Variants in ASTN2 observed in about 807,000 individuals in gnomAD.
The protein encoded by ASTN2 is astrotactin-2.
ASTN2 carries 54 observed loss-of-function variants against 139.8 expected under a neutral mutation model. That is an observed-to-expected ratio of 0.39 (90% CI 0.31 to 0.48). The LOEUF (loss-of-function observed/expected upper bound fraction) is 0.48. Ranked by LOEUF, ASTN2 falls within the 20% of genes least tolerant of loss-of-function variation. ASTN2 has a pLI of 0.95. For missense variants in ASTN2, 1,565 were observed against 1,725.1 expected (o/e 0.91, Z 1.64); for synonymous variants, 756 against 719.5 (o/e 1.05, Z -0.81).
At chr9:116,779,416 A>G (rs1830161732) in intron 13 of ASTN2, among the ~76,000 whole-genome samples, 1 of 152,028 alleles carries the variant, frequency 6.6e-6, no homozygotes. Flanking sequence ...CACTGAACCT[A>G]CCTGTGCTTT....
chr9:117,212,510 C>T (rs1417274388), intron 3 of ASTN2, among the ~76,000 whole-genome samples: 1 of 151,880 alleles, frequency 6.6e-6, no homozygotes, highest in African/African-American at 2.4e-5. Flanking sequence ...AAATATTTAT[C>T]CAATAGGGAA....
At chr9:116,898,664 T>A (rs1163443722) in intron 10 of ASTN2, among the ~76,000 whole-genome samples, 1 of 151,866 alleles carries the variant, frequency 6.6e-6, no homozygotes, top group Non-Finnish European at 1.5e-5. Flanking sequence ...TAAAAATTAT[T>A]CCTTTTATGT....
intron 2 of ASTN2, among the ~76,000 whole-genome samples, chr9:117,241,731 C>A (rs1833213068): frequency 6.6e-6 from 1 of 152,100 alleles, no homozygotes; most frequent in Admixed American, 6.6e-5. Context: ...GGTCCACAGC[C>A]CTGGGTTTGG....
At chr9:117,007,368 A>G (rs1010060543) in intron 7 of ASTN2, among the ~76,000 whole-genome samples, 1 of 152,206 alleles carries the variant, frequency 6.6e-6, no homozygotes, top group African/African-American at 2.4e-5. Context: ...TGATGAAGAT[A>G]TTCTATATCT....
intron 5 of ASTN2, among the ~76,000 whole-genome samples, chr9:117,048,413 A>G (rs1014270673): frequency 6.6e-6 from 1 of 152,214 alleles, no homozygotes; most frequent in Non-Finnish European, 1.5e-5. Flanking sequence ...TTGGAGCCAA[A>G]TGATTATTGA....
At position 117,382,828 on chromosome 9, in the gene ASTN2, A is replaced by G. The variant is rs79879010; in HGVS notation, c.442+31669T>C. ...TACGAGTTCAAAGGAGGAAAACATA[A>G]TATCTAGGCAAAGGACTAAAAATGG... On this transcript the variant is annotated intron_variant, in intron 1 of 22. Coordinates refer to ENST00000313400, the MANE Select transcript of ASTN2 (RefSeq NM_001365068.1). Among the ~76,000 whole-genome samples the G allele has an allele frequency of 3.1e-3, 474 of 152,340 alleles. 2 individuals are homozygous for G. Among genetic ancestry groups the G allele is most frequent in the Non-Finnish European group, 5.2e-3 (351 of 68,042 alleles).
At chr9:117,156,972 C>G (rs958244932) in intron 3 of ASTN2, among the ~76,000 whole-genome samples, 1 of 151,992 alleles carries the variant, frequency 6.6e-6, no homozygotes, top group African/African-American at 2.4e-5. Flanking sequence ...TTTATTCACT[C>G]CTCCAGCACA....
At chr9:117,070,299 G>T (rs10817993) in intron 5 of ASTN2, among the ~76,000 whole-genome samples, 30,302 of 106,390 alleles carry the variant, frequency 0.28, 4,617 homozygotes, top group African/African-American at 0.39. Context: ...GAAATTCTGG[G>T]TTGAAAATTC....
At chr9:116,987,780 C>T (rs986505254) in intron 7 of ASTN2, among the ~76,000 whole-genome samples, 1 of 152,180 alleles carries the variant, frequency 6.6e-6, no homozygotes, top group Non-Finnish European at 1.5e-5. Flanking sequence ...TAACAATACG[C>T]TGGTATCACT....
In ASTN2 at chr9:117,008,121, G is replaced by C; in HGVS notation, c.1562C>G (p.Ala521Gly). Residue 521 changes from alanine to glycine, a missense_variant, in exon 7 of 23, where the codon GCC (alanine) becomes GGC (glycine). By Grantham distance (60) the Ala-to-Gly change is moderately conservative. Coordinates refer to ENST00000313400, the MANE Select transcript of ASTN2 (RefSeq NM_001365068.1). The stretch of plus-strand genomic sequence containing the variant: ...TTCTGGGTCGCAGAGCTGCTCACAG[G>C]CATCTGTCGTCCTTTGTCCACAGAG... The part of the protein sequence containing the change: ...RDLCGQRTTD[A>G]CEQLCDPETG... The C allele has an allele frequency of 6.2e-7, 1 of 1,605,566 alleles. No individual in the cohort carries two copies. Among genetic ancestry groups the C allele is most frequent in the Non-Finnish European group, 8.5e-7 (1 of 1,175,756 alleles).
intron 20 of ASTN2, among the ~76,000 whole-genome samples, chr9:116,464,543 G>C (rs371235795): frequency 2.0e-5 from 3 of 152,160 alleles, no homozygotes; most frequent in Non-Finnish European, 4.4e-5. Flanking sequence ...TTCCTTGAGA[G>C]CAGTTATGTG....
intron 19 of ASTN2, among the ~76,000 whole-genome samples, chr9:116,590,500 C>A (rs766009103): frequency 2.0e-5 from 3 of 152,182 alleles, no homozygotes; most frequent in Non-Finnish European, 4.4e-5. Flanking sequence ...CAGCAGGCAC[C>A]CCTCAGTATG....
At chr9:117,214,837 C>T (rs1477183935) in intron 2 of ASTN2, 95 bp from the exon 3 acceptor site, 2 of 1,294,784 alleles carry the variant, frequency 1.5e-6, no homozygotes, top group African/African-American at 1.5e-5. Flanking sequence ...TGCCAGGATC[C>T]CTGGGTTTGG....
intron 13 of ASTN2, among the ~76,000 whole-genome samples, chr9:116,743,843 AATT>A (rs1829162188): frequency 6.6e-6 from 1 of 152,142 alleles, no homozygotes; most frequent in Non-Finnish European, 1.5e-5. Context: ...AACTTGAGAG[AATT>A]ATTATGTCAG....
intron 1 of ASTN2, among the ~76,000 whole-genome samples, chr9:117,400,571 A>C (rs929962515): frequency 2.0e-5 from 3 of 152,180 alleles, no homozygotes; most frequent in African/African-American, 7.2e-5. Context: ...GGCTAGAGAG[A>C]AAGTAATTGA....
At chr9:117,006,776 C>G (rs111303693) in intron 7 of ASTN2, among the ~76,000 whole-genome samples, 459 of 152,168 alleles carry the variant, frequency 3.0e-3, no homozygotes, top group African/African-American at 9.9e-3. Flanking sequence ...TCTCCTACTC[C>G]CCCTCTTTCT....
chr9:117,190,324 A>G (rs2132966192), intron 3 of ASTN2, among the ~76,000 whole-genome samples: 1 of 152,296 alleles, frequency 6.6e-6, no homozygotes, highest in Non-Finnish European at 1.5e-5. Flanking sequence ...AAACAAAACA[A>G]AACATTATGT....
At chr9:117,226,340 A>T (rs1832711663) in intron 2 of ASTN2, among the ~76,000 whole-genome samples, 1 of 152,202 alleles carries the variant, frequency 6.6e-6, no homozygotes, top group African/African-American at 2.4e-5. Context: ...TCTGATCCTC[A>T]TCTTTCTCAT....
At chr9:116,988,531 T>C (rs1801549203) in intron 7 of ASTN2, among the ~76,000 whole-genome samples, 2 of 152,268 alleles carry the variant, frequency 1.3e-5, no homozygotes, top group South Asian at 4.1e-4. Flanking sequence ...TTAACCACCC[T>C]GTGAAGCGGG....
Sources: allele counts gnomAD v4.1 joint callset (sites outside exome capture counted in the v4.1 genomes callset), GRCh38; gene constraint gnomAD v4.1.1; transcripts MANE v1.5; gene names NCBI Gene and HGNC (gene_info 2026-07-23, HGNC 2026-07-21).